DRC8: variants seen among roughly 807,000 people sequenced by gnomAD.
DRC8 encodes dynein regulatory complex subunit 8, also known as dynein regulatory complex protein 8.
At chr1:245,012,382 G>A in the DRC8 span, among the ~76,000 whole-genome samples, 1 of 151,590 alleles carries the variant, frequency 6.6e-6, no homozygotes, top group Non-Finnish European at 1.5e-5. Context: ...ATGCATTAAT[G>A]TTGCTTTGGT....
At chr1:245,017,571 A>C in the DRC8 span, among the ~76,000 whole-genome samples, 4 of 152,014 alleles carry the variant, frequency 2.6e-5, no homozygotes, top group Non-Finnish European at 5.9e-5. Flanking sequence ...CTATAATTGT[A>C]AACTCTGTGA....
the DRC8 span, among the ~76,000 whole-genome samples, chr1:245,010,516 C>T: frequency 1.3e-5 from 2 of 152,220 alleles, no homozygotes; most frequent in South Asian, 2.1e-4. Context: ...GGCCTGCCAT[C>T]GGAGCCTGTC....
chr1:245,018,179 A>G, the DRC8 span, among the ~76,000 whole-genome samples: 2 of 147,918 alleles, frequency 1.4e-5, no homozygotes, highest in Non-Finnish European at 3.0e-5. Context: ...GTGAGCTGAG[A>G]TCATGCCACT....
the DRC8 span, among the ~76,000 whole-genome samples, chr1:245,120,418 G>T: frequency 6.6e-6 from 1 of 152,170 alleles, no homozygotes; most frequent in Non-Finnish European, 1.5e-5. Flanking sequence ...TATTTAACCA[G>T]TTCCCTTCTC....
chr1:245,033,010 AG>A, the DRC8 span, among the ~76,000 whole-genome samples: 1 of 152,012 alleles, frequency 6.6e-6, no homozygotes, highest in Non-Finnish European at 1.5e-5. Context: ...AACCCAAAAA[AG>A]AAAGCAAACT....
the DRC8 span, among the ~76,000 whole-genome samples, chr1:245,044,933 G>C: frequency 6.6e-6 from 1 of 151,226 alleles, no homozygotes; most frequent in Non-Finnish European, 1.5e-5. Flanking sequence ...TTTTTGAAAA[G>C]ATAACTTCAA....
At chr1:245,011,814 A>T in the DRC8 span, among the ~76,000 whole-genome samples, 1 of 152,256 alleles carries the variant, frequency 6.6e-6, no homozygotes, top group Non-Finnish European at 1.5e-5. Flanking sequence ...AAAGACTTTA[A>T]TATACTAATA....
chr1:245,051,516 G>T, the DRC8 span, among the ~76,000 whole-genome samples: 35 of 152,142 alleles, frequency 2.3e-4, no homozygotes, highest in Non-Finnish European at 4.1e-4. Flanking sequence ...AAGGGAGGGA[G>T]TGGGAGGGAG....
At chr1:244,979,292 C>CTTTTTTTTTTTTTTTTTTT in the DRC8 span, among the ~76,000 whole-genome samples, 1 of 51,370 alleles carries the variant, frequency 1.9e-5, no homozygotes, top group Non-Finnish European at 3.1e-5. Context: ...CGAAGCTTAT[C>CTTTTTTTTTTTTTTTTTTT]TTTTTTTTTT....
chr1:244,974,798 G>A, the DRC8 span, among the ~76,000 whole-genome samples: 3 of 152,138 alleles, frequency 2.0e-5, no homozygotes, highest in Non-Finnish European at 4.4e-5. Flanking sequence ...GGGCTCAAGC[G>A]ATTCCCCCGA....
At chr1:244,980,625 A>G in the DRC8 span, among the ~76,000 whole-genome samples, 1 of 152,226 alleles carries the variant, frequency 6.6e-6, no homozygotes, top group Non-Finnish European at 1.5e-5. Flanking sequence ...CAGGTCAGGG[A>G]CACGGTTTCT....
At chr1:245,056,819 C>T in the DRC8 span, among the ~76,000 whole-genome samples, 119 of 151,348 alleles carry the variant, frequency 7.9e-4, no homozygotes, top group East Asian at 0.021. Flanking sequence ...TGCCTGTAGT[C>T]CCAGCTACTC....
the DRC8 span, among the ~76,000 whole-genome samples, chr1:244,980,539 A>C: frequency 6.6e-6 from 1 of 152,170 alleles, no homozygotes; most frequent in African/African-American, 2.4e-5. Context: ...AAAGTAATGG[A>C]AGTCAGGAAT....
At chr1:244,969,878 G>C in the DRC8 span, 2 of 442,166 alleles carry the variant, frequency 4.5e-6, no homozygotes, top group Non-Finnish European at 7.9e-6. Context: ...CGGGAGGCGG[G>C]CTGCGAATGG....
the DRC8 span, among the ~76,000 whole-genome samples, chr1:244,990,365 T>G: frequency 2.0e-5 from 3 of 152,220 alleles, no homozygotes; most frequent in Non-Finnish European, 2.9e-5. Flanking sequence ...CACAGGCATG[T>G]ATGAATAGGG....
chr1:245,105,389 G>A, the DRC8 span, among the ~76,000 whole-genome samples: 1 of 151,790 alleles, frequency 6.6e-6, no homozygotes, highest in East Asian at 1.9e-4. Flanking sequence ...TTATGCAGTG[G>A]AATTCCTCTA....
At chr1:245,084,923 G>A in the DRC8 span, among the ~76,000 whole-genome samples, 1,159 of 152,286 alleles carry the variant, frequency 7.6e-3, 12 homozygotes, top group African/African-American at 0.025. Context: ...AATTACCTTC[G>A]GGATTAATTC....
the DRC8 span, among the ~76,000 whole-genome samples, chr1:245,044,853 GC>G: frequency 5.1e-4 from 77 of 151,182 alleles, no homozygotes; most frequent in Admixed American, 7.9e-4. Context: ...CCCCGACCCA[GC>G]CCCAACAAAG....
the DRC8 span, among the ~76,000 whole-genome samples, chr1:244,995,651 CT>C: frequency 4.6e-4 from 70 of 152,246 alleles, no homozygotes; most frequent in African/African-American, 1.6e-3. Context: ...GCCCACCCAT[CT>C]CTTGTATTTT....
Sources: gnomAD v4.1 joint callset for allele counts (sites outside exome capture counted in the v4.1 genomes callset) on GRCh38, gnomAD v4.1.1 for gene constraint, MANE v1.5 for transcripts, NCBI Gene and HGNC (gene_info 2026-07-23, HGNC 2026-07-21) for gene names.